CFAP58: variants seen among roughly 807,000 people sequenced by gnomAD.
CFAP58 encodes the protein cilia- and flagella-associated protein 58.
In CFAP58, 88 loss-of-function variants were observed where a neutral mutation model predicts 119.5. That is an observed-to-expected ratio of 0.74 (90% confidence interval 0.62 to 0.88). The LOEUF (loss-of-function observed/expected upper bound fraction) is 0.88. Ranked by LOEUF, CFAP58 falls within the 40% of genes least tolerant of loss-of-function variation. CFAP58 has a pLI of 0.00. For missense variants in CFAP58, 990 were observed against 1,021.2 expected (o/e 0.97, Z 0.42); for synonymous variants, 365 against 366.3 (o/e 1.00, Z 0.04).
upstream of CFAP58, among the ~76,000 whole-genome samples, chr10:104,350,041 C>T (rs1017224794): frequency 1.3e-5 from 2 of 152,194 alleles, no homozygotes; most frequent in African/African-American, 2.4e-5. Flanking sequence ...CTGACATCCT[C>T]ATTTCAGTGC....
chr10:104,410,819 T>G (rs1274381892), intron 15 of CFAP58, among the ~76,000 whole-genome samples: 1 of 152,208 alleles, frequency 6.6e-6, no homozygotes, highest in Non-Finnish European at 1.5e-5. Context: ...CTCCTGGAAC[T>G]CTTATTAGAA....
intron 7 of CFAP58, 141 bp downstream of exon 7, chr10:104,371,195 A>C: frequency 1.4e-6 from 1 of 708,746 alleles, no homozygotes. Context: ...GTAAACAGTC[A>C]ATATGGGGTG....
chr10:104,343,358 G>T, the CFAP58 span, among the ~76,000 whole-genome samples: 1 of 152,158 alleles, frequency 6.6e-6, no homozygotes, highest in African/African-American at 2.4e-5. Flanking sequence ...GAGAAGTTAG[G>T]TCACATACTC....
intron 13 of CFAP58, 103 bp from the exon 14 acceptor site, chr10:104,403,626 C>A (rs541467958): frequency 3.4e-5 from 22 of 638,910 alleles, no homozygotes; most frequent in South Asian, 5.4e-5. Flanking sequence ...TCCCTAACTC[C>A]AACTTTTTAT....
At chr10:104,376,586 A>G (rs1210849771) in intron 7 of CFAP58, among the ~76,000 whole-genome samples, 71 of 151,910 alleles carry the variant, frequency 4.7e-4, no homozygotes, top group Non-Finnish European at 2.9e-5. Flanking sequence ...TTGGCTTCAG[A>G]CTTTTGGCAA....
chr10:104,410,140 A>G (rs576451601), intron 15 of CFAP58, among the ~76,000 whole-genome samples: 1 of 152,232 alleles, frequency 6.6e-6, no homozygotes, highest in South Asian at 2.1e-4. Context: ...TCTTTCATAG[A>G]TTCCCTTAAA....
upstream of CFAP58, among the ~76,000 whole-genome samples, chr10:104,349,178 G>T (rs1171574198): frequency 6.6e-6 from 1 of 152,190 alleles, no homozygotes; most frequent in Non-Finnish European, 1.5e-5. Context: ...AACCTGGGAG[G>T]CGGAGGTTGC....
At chr10:104,346,510 G>C in the CFAP58 span, among the ~76,000 whole-genome samples, 2 of 151,526 alleles carry the variant, frequency 1.3e-5, no homozygotes, top group African/African-American at 2.4e-5. Context: ...ACCACGCCCA[G>C]CTCATTAAAA....
Position 104,368,565 on chromosome 10 carries a change from A to G in CFAP58, c.930+5A>G. ...CAGAAGGCGTTGGAGCTCAAAGTAA[A>G]CACCAAGTTACATGTCTGTTCCCTA... is the stretch of plus-strand genomic sequence containing the variant. On this transcript the variant is annotated splice_donor_5th_base_variant and intron_variant, in intron 6 of 17. Transcript: ENST00000369704. The G allele has an allele frequency of 2.5e-6, 4 of 1,613,626 alleles. No homozygotes were observed. In the South Asian group the frequency reaches 4.4e-5, roughly 18 times the overall value.
intron 9 of CFAP58, among the ~76,000 whole-genome samples, chr10:104,382,847 CT>C (rs2011842035): frequency 6.6e-6 from 1 of 152,208 alleles, no homozygotes; most frequent in Non-Finnish European, 1.5e-5. Context: ...AATTAAACCT[CT>C]TTTCTTTATG....
chr10:104,385,433 A>G (rs538638982), intron 9 of CFAP58, among the ~76,000 whole-genome samples: 1 of 152,304 alleles, frequency 6.6e-6, no homozygotes, highest in East Asian at 1.9e-4. Context: ...ATAAGAATCA[A>G]TTGTATAAAA....
At chr10:104,375,034 A>G (rs2014873537) in intron 7 of CFAP58, among the ~76,000 whole-genome samples, 1 of 151,704 alleles carries the variant, frequency 6.6e-6, no homozygotes. Flanking sequence ...AAAATAGTAT[A>G]CTATGTGTAC....
upstream of CFAP58, chr10:104,353,756 G>A (rs2014500098): frequency 1.1e-6 from 1 of 901,208 alleles, no homozygotes; most frequent in East Asian, 2.7e-5. Context: ...GCCAGGCGAC[G>A]GGCCGACGCG....
chr10:104,357,186 T>G (rs753925380), intron 1 of CFAP58, among the ~76,000 whole-genome samples: 1 of 152,228 alleles, frequency 6.6e-6, no homozygotes, highest in Non-Finnish European at 1.5e-5. Flanking sequence ...TAACTCACTC[T>G]TAGGTTCTCA....
At chr10:104,365,278 T>C (rs901981402) in intron 4 of CFAP58, among the ~76,000 whole-genome samples, 2 of 152,158 alleles carry the variant, frequency 1.3e-5, no homozygotes, top group African/African-American at 4.8e-5. Flanking sequence ...TGAACACTTT[T>C]ACATAAAGCC....
intron 6 of CFAP58, among the ~76,000 whole-genome samples, chr10:104,369,962 T>C (rs1233209657): frequency 6.6e-6 from 1 of 152,206 alleles, no homozygotes; most frequent in African/African-American, 2.4e-5. Flanking sequence ...CTAGGATTAT[T>C]TTTGGGGACT....
chr10:104,366,149 T>G, intron 5 of CFAP58, 141 bp downstream of exon 5: 1 of 743,302 alleles, frequency 1.3e-6, no homozygotes, highest in Non-Finnish European at 2.1e-6. Flanking sequence ...AACTTAGCAC[T>G]GCAATTTGGT....
chr10:104,432,272 T>C (rs2012861159), intron 15 of CFAP58, among the ~76,000 whole-genome samples: 1 of 152,308 alleles, frequency 6.6e-6, no homozygotes, highest in South Asian at 2.1e-4. Flanking sequence ...ATAAAAAGTT[T>C]TCACAAATCA....
intron 1 of CFAP58, among the ~76,000 whole-genome samples, chr10:104,357,068 A>G (rs2014552504): frequency 6.6e-6 from 1 of 152,240 alleles, no homozygotes; most frequent in South Asian, 2.1e-4. Flanking sequence ...TTAACTTATT[A>G]AATGACTCTG....
Sources: gnomAD v4.1 joint callset for allele counts (sites outside exome capture counted in the v4.1 genomes callset) on GRCh38, gnomAD v4.1.1 for gene constraint, MANE v1.5 for transcripts, NCBI Gene and HGNC (gene_info 2026-07-23, HGNC 2026-07-21) for gene names.